The following DMAC2 variants were observed in gnomAD, a reference collection of about 807,000 sequenced individuals.
The protein encoded by DMAC2 is distal membrane-arm assembly complex protein 2.
A neutral mutation model predicts 29.6 loss-of-function variants in DMAC2; 32 were observed. The observed-to-expected ratio is 1.08, with a 90% CI of 0.81 to 1.45. The LOEUF is 1.45. DMAC2 is among the 40% of genes most tolerant of loss of function. The pLI is 0.00. For synonymous variants in DMAC2, 133 were observed against 137.4 expected, an observed-to-expected ratio of 0.97 and a Z score of 0.23; for missense variants, 319 against 340.0, an observed-to-expected ratio of 0.94 and a Z score of 0.49.
At chr19:41,438,629 G>A (rs111340919) in intron 1 of DMAC2, among the ~76,000 whole-genome samples, 4,857 of 152,072 alleles carry the variant, frequency 0.032, 237 homozygotes, top group African/African-American at 0.11. Flanking sequence ...AAATTTTCTC[G>A]ACTAGCCATA....
At position 41,432,125 on chromosome 19, in the gene DMAC2, C is replaced by A. The variant is rs115873286; in HGVS notation, c.*106G>T. Reference sequence around the variant, plus strand: ...CTGTGATTGGCCAGCACCACTCCCCCACCCTGACGTTGAGTGAAGACAAAT... The same window carrying A: ...CTGTGATTGGCCAGCACCACTCCCCAACCCTGACGTTGAGTGAAGACAAAT... On this transcript the variant is annotated 3_prime_UTR_variant, in exon 6 of 6. Coordinates refer to ENST00000221943, the MANE Select transcript of DMAC2 (RefSeq NM_018035.3). 4.6e-4 allele frequency: 601 copies of A among 1,308,204 alleles called. No individual in the cohort carries two copies. Among genetic ancestry groups the A allele is most frequent in the Admixed American group, 5.6e-4 (29 of 51,942 alleles). The allele number at this position is 1,308,204 out of a possible 1,614,324, so 81.0% of individuals were successfully genotyped here. A position where few individuals can be genotyped will look rare whatever the true frequency, so the allele number is the denominator to read the frequency against.
intron 3 of DMAC2, among the ~76,000 whole-genome samples, chr19:41,434,869 G>GGT (rs1381864287): frequency 1.8e-4 from 27 of 152,014 alleles, no homozygotes; most frequent in African/African-American, 5.6e-4. Flanking sequence ...AGCCGGGCGT[G>GGT]GTAGTGTGCA....
rs2040067640 is a variant in DMAC2, at chr19:41,439,886, CA to C, written c.13del (p.Trp5GlyfsTer41). ...CTAGGAACTCCGGTCACTTACCGCC[CA>C]GGGAGCCGCCATCTTGCTAAGGTTT... MAAP[W>X]ASLRLVAPMW... On this transcript the variant is annotated frameshift_variant, in exon 1 of 6. Coordinates refer to ENST00000221943, the MANE Select transcript of DMAC2 (RefSeq NM_018035.3). LOFTEE classifies it high-confidence loss of function. The C allele has an allele frequency of 1.9e-6, 3 of 1,614,214 alleles. No individual in the cohort carries two copies. Among genetic ancestry groups the C allele is most frequent in the Non-Finnish European group, 1.7e-6 (2 of 1,180,036 alleles).
At chr19:41,435,209 C>G (rs564171658) in intron 3 of DMAC2, among the ~76,000 whole-genome samples, 1 of 152,064 alleles carries the variant, frequency 6.6e-6, no homozygotes, top group South Asian at 2.1e-4. Flanking sequence ...AACTCCTGGG[C>G]TCAAGTGCTG....
chr19:41,438,606 C>T (rs1336190454), intron 1 of DMAC2, among the ~76,000 whole-genome samples, 192 bp from the exon 2 acceptor site: 1 of 152,206 alleles, frequency 6.6e-6, no homozygotes, highest in Non-Finnish European at 1.5e-5. Context: ...TCCTCCTCCC[C>T]TTAGTGAACC....
At position 41,431,500 on chromosome 19, in the gene DMAC2, G is replaced by A; in HGVS notation, c.*731C>T. 1 of 358,564 alleles carries A rather than the reference G, an allele frequency of 2.8e-6. No homozygotes were observed. Among genetic ancestry groups the A allele is most frequent in the Admixed American group, 3.7e-5 (1 of 27,160 alleles). 22.2% of individuals were successfully genotyped at this position (358,564 alleles called of 1,614,324 possible). ...TGTGTCTCCTACGCAACTTCTGAGG[G>A]CTGGAGGGTGCCAAGGGCAGCTGCT... On this transcript the variant is annotated 3_prime_UTR_variant, in exon 6 of 6. Coordinates refer to ENST00000221943, the MANE Select transcript of DMAC2 (RefSeq NM_018035.3).
chr19:41,433,012 C>T (rs1555769893), intron 5 of DMAC2: 2 of 529,954 alleles, frequency 3.8e-6, no homozygotes, highest in Admixed American at 3.7e-5. Context: ...TGCAAATATG[C>T]AACTCCAGCT....
At position 41,438,332 on chromosome 19, in the gene DMAC2, T is replaced by C. The variant is rs2231940; in HGVS notation, c.101A>G (p.Asn34Ser). The C allele has an allele frequency of 0.39, 635,360 of 1,613,928 alleles. 128,269 individuals are homozygous for C. Among genetic ancestry groups the C allele is most frequent in the East Asian group, 0.54 (24,216 of 44,868 alleles). The change falls in exon 2 of 6, where the codon AAT becomes AGT. Residue 34 changes from asparagine (N) to serine (S), a missense_variant. Transcript: ENST00000221943. ...GAGTATTGTCCTTTTCTTCTTCTGA[T>C]TGCCCTCTGGGGCCACTGCCGCACC... ...RLGAAVAPEG[N>S]QKKKRTILQF...
At chr19:41,432,831 C>A in intron 5 of DMAC2, 1 of 453,260 alleles carries the variant, frequency 2.2e-6, no homozygotes, top group Non-Finnish European at 3.8e-6. Context: ...GAGGTACTGG[C>A]CCCAAATTTC....
At chr19:41,439,330 C>T in intron 1 of DMAC2, 2 of 566,242 alleles carry the variant, frequency 3.5e-6, no homozygotes, top group South Asian at 4.9e-5. Context: ...ATTTTAAATC[C>T]TCTGAAAGAA....
chr19:41,439,660 C>A, intron 1 of DMAC2: 1 of 1,350,358 alleles, frequency 7.4e-7, no homozygotes, highest in South Asian at 1.3e-5. Flanking sequence ...TCAGCCAAGT[C>A]CCTGCCTCCT....
At position 41,431,835 on chromosome 19, in the gene DMAC2, G is replaced by A. The variant is rs1555768879; in HGVS notation, c.*396C>T. 7.6e-6 allele frequency: 2 copies of A among 262,708 alleles called. No individual in the cohort carries two copies. The allele number at this position is 262,708 out of a possible 1,614,324, so 16.3% of individuals were successfully genotyped here. A position where few individuals can be genotyped will look rare whatever the true frequency, so the allele number is the denominator to read the frequency against. On this transcript the variant is annotated 3_prime_UTR_variant, in exon 6 of 6. Coordinates refer to ENST00000221943, the MANE Select transcript of DMAC2 (RefSeq NM_018035.3). Reference sequence around the variant, plus strand: ...CAGTGGGCACAGCGGCCCTGCACGGGGGAGAACCATCCCTGTAAAGTGTCA... The same window carrying A: ...CAGTGGGCACAGCGGCCCTGCACGGAGGAGAACCATCCCTGTAAAGTGTCA...
rs200395698 is a variant in DMAC2 at position 41,432,215 on chromosome 19, G to A, written c.*16C>T. The A allele has an allele frequency of 2.4e-5, 39 of 1,605,966 alleles. No homozygotes were observed. The Admixed American group carries it at 4.7e-4, about 19-fold the overall frequency. On this transcript the variant is annotated 3_prime_UTR_variant, in exon 6 of 6. Coordinates refer to ENST00000221943, the MANE Select transcript of DMAC2 (RefSeq NM_018035.3). The stretch of plus-strand genomic sequence containing the variant: ...AGCCCGCTGAGAAGCCACGTGAGTG[G>A]GGACAGGGCTAAAGGCTAGGCAGGG...
At chr19:41,432,631 TGTGTAGGGAGGTACAGGACAGC>T (rs1259736012) in intron 5 of DMAC2, 10 of 526,192 alleles carry the variant, frequency 1.9e-5, no homozygotes, top group African/African-American at 6.8e-5. Context: ...TGTGTGTGTG[TGTGTAGGGAGGTACAGGACAGC>T]GTGTGTGTGT....
chr19:41,439,609 T>A (rs1555772437), intron 1 of DMAC2: 5 of 1,499,548 alleles, frequency 3.3e-6, no homozygotes, highest in Non-Finnish European at 4.5e-6. Flanking sequence ...GTTAGTCGCG[T>A]CGCTCTTCGG....
rs902717663 is a variant in DMAC2, at chr19:41,431,823, G to A, written c.*408C>T. ...CTGCATGTCCTGCAGTGGGCACAGC[G>A]GCCCTGCACGGGGGAGAACCATCCC... On this transcript the variant is annotated 3_prime_UTR_variant, in exon 6 of 6. Transcript: ENST00000221943. 2.8e-5 allele frequency: 7 copies of A among 246,218 alleles called. No individual in the cohort carries two copies. Among genetic ancestry groups the A allele is most frequent in the South Asian group, 1.7e-4 (3 of 17,796 alleles). 15.3% of individuals were successfully genotyped at this position (246,218 alleles called of 1,614,324 possible). A position where few individuals can be genotyped will look rare whatever the true frequency, so the allele number is the denominator to read the frequency against.
rs2039505503 is a variant in DMAC2, at chr19:41,431,427, G to C, written c.*804C>G. On this transcript the variant is annotated 3_prime_UTR_variant, in exon 6 of 6. Transcript: ENST00000221943. Reference sequence around the variant, plus strand: ...TTCTGAATTGACTGGAAATCCATTTGGGGTGCTGGGGAACGTTATTCCCAG... The same window carrying C: ...TTCTGAATTGACTGGAAATCCATTTCGGGTGCTGGGGAACGTTATTCCCAG... The C allele has an allele frequency of 3.2e-5, 14 of 433,194 alleles. No homozygotes were observed. Among genetic ancestry groups the C allele is most frequent in the South Asian group, 2.4e-4 (14 of 57,604 alleles). The allele number at this position is 433,194 out of a possible 1,614,324, so 26.8% of individuals were successfully genotyped here.
intron 5 of DMAC2, chr19:41,432,896 G>C: frequency 1.9e-6 from 1 of 527,100 alleles, no homozygotes; most frequent in South Asian, 2.9e-5. Flanking sequence ...GCGTGCATGC[G>C]TGCATGTGTG....
chr19:41,432,618 A>ATGTGTG (rs146967268), intron 5 of DMAC2: 5 of 318,678 alleles, frequency 1.6e-5, no homozygotes, highest in African/African-American at 1.4e-4. Flanking sequence ...TAAGGACAGC[A>ATGTGTG]TGTGTGTGTG....
Sources: allele counts gnomAD v4.1 joint callset (sites outside exome capture counted in the v4.1 genomes callset), GRCh38; gene constraint gnomAD v4.1.1; transcripts MANE v1.5; gene names NCBI Gene and HGNC (gene_info 2026-07-23, HGNC 2026-07-21).